ZNF700: variants seen among roughly 807,000 people sequenced by gnomAD.
ZNF700 encodes the protein zinc finger protein 700.
A neutral mutation model predicts 65.3 loss-of-function variants in ZNF700; 38 were observed. That is an observed-to-expected ratio of 0.58 (90% CI 0.45 to 0.76). ZNF700 has a LOEUF of 0.76. Ranked by LOEUF, ZNF700 falls within the 30% of genes least tolerant of loss-of-function variation. The pLI is 0.00. For missense variants in ZNF700, 857 were observed against 888.4 expected (o/e 0.96, Z 0.45); for synonymous variants, 285 against 290.4 (o/e 0.98, Z 0.19).
Position 11,949,383 on chromosome 19 carries a change from A to C in ZNF700, c.1359A>C (p.Lys453Asn), listed in dbSNP as rs1482804862. The C allele has an allele frequency of 5.6e-6, 9 of 1,613,790 alleles. No individual in the cohort carries two copies. The highest frequency in any genetic ancestry group is 6.8e-6 in the Non-Finnish European group (8 of 1,179,962). The change falls in exon 4 of 4, where the codon AAA (lysine) becomes AAC (asparagine). Residue 453 changes from lysine (K) to asparagine (N), a missense_variant. Coordinates refer to ENST00000254321, the MANE Select transcript of ZNF700 (RefSeq NM_144566.3). ...EKPYECKECG[K>N]AFRSTSHLRV... Reference sequence around the variant, plus strand: ...CCTATGAATGTAAGGAATGTGGGAAAGCCTTCAGATCTACCTCACACCTTC... The same window carrying C: ...CCTATGAATGTAAGGAATGTGGGAACGCCTTCAGATCTACCTCACACCTTC...
chr19:11,929,337 T>G (rs572547874), intron 1 of ZNF700, among the ~76,000 whole-genome samples: 1 of 148,162 alleles, frequency 6.7e-6, no homozygotes, highest in African/African-American at 2.6e-5. Flanking sequence ...CTGATTTTTG[T>G]ATTTTTAGTA....
rs370568041 is a variant in ZNF700 at position 11,948,989 on chromosome 19, G to A, written c.965G>A (p.Arg322His). ...GCATTTGCATATACCAGTTCTCTTC[G>A]TAGACATGAAAGGACCCACTCTGGG... ...GKAFAYTSSL[R>H]RHERTHSGKK... The change falls in exon 4 of 4, where the codon CGT becomes CAT. Residue 322 changes from arginine to histidine, a missense_variant. By Grantham distance (29) the Arg-to-His change is conservative (BLOSUM62 0). Around this residue, in one of 3 missense-constraint regions of ZNF700, gnomAD observed 603 missense variants for 619.9 expected, o/e 0.97. Coordinates refer to ENST00000254321, the MANE Select transcript of ZNF700 (RefSeq NM_144566.3). 1.8e-5 allele frequency: 29 copies of A among 1,608,036 alleles called. No homozygotes were observed. The highest frequency in any genetic ancestry group is 4.5e-5 in the East Asian group (2 of 44,880).
At chr19:11,935,877 G>A (rs571757076) in intron 1 of ZNF700, among the ~76,000 whole-genome samples, 1 of 152,228 alleles carries the variant, frequency 6.6e-6, no homozygotes, top group Non-Finnish European at 1.5e-5. Context: ...CCCCTGACAG[G>A]CCCCGGTGTG....
At chr19:11,943,295 G>T (rs78507767) in intron 1 of ZNF700, among the ~76,000 whole-genome samples, 4 of 152,048 alleles carry the variant, frequency 2.6e-5, no homozygotes, top group African/African-American at 9.7e-5. Context: ...CAATTGGTTA[G>T]GTTAAATTTT....
chr19:11,949,828 A>G lies in ZNF700; in HGVS notation c.1804A>G (p.Ser602Gly). The change falls in exon 4 of 4, where the codon AGT becomes GGT. Residue 602 changes from serine to glycine, a missense_variant. Coordinates refer to ENST00000254321, the MANE Select transcript of ZNF700 (RefSeq NM_144566.3). The stretch of plus-strand genomic sequence containing the variant: ...GTGTAAGCAATGTGGGAAAGCCTTC[A>G]GTTGTGCCTCAAACCTTCGAAAGCA... ...YECKQCGKAF[S>G]CASNLRKHGR... 1.2e-6 allele frequency: 2 copies of G among 1,612,888 alleles called. No individual in the cohort carries two copies. Among genetic ancestry groups the G allele is most frequent in the East Asian group, 2.2e-5 (1 of 44,840 alleles).
chr19:11,934,008 G>A lies in ZNF700; in HGVS notation c.63+8735G>A, dbSNP rs1179726512. Among the ~76,000 whole-genome samples, 9 of 147,532 alleles carry A rather than the reference G, an allele frequency of 6.1e-5. 1 individual carries two copies. Among genetic ancestry groups the A allele is most frequent in the African/African-American group, 1.9e-4 (7 of 37,422 alleles). ...TTCTTTCATCACTGAGTAACATTAC[G>A]TTGGATGGGTGTTACCATAGTTTCT... is the stretch of plus-strand genomic sequence containing the variant. On this transcript the variant is annotated intron_variant, in intron 1 of 3. Transcript: ENST00000254321.
intron 1 of ZNF700, among the ~76,000 whole-genome samples, chr19:11,941,290 C>T (rs948127520): frequency 5.3e-5 from 8 of 152,264 alleles, no homozygotes; most frequent in South Asian, 4.1e-4. Context: ...CCGCGCCATG[C>T]GCCCGCACTC....
chr19:11,936,333 A>G (rs1248639377), intron 1 of ZNF700, among the ~76,000 whole-genome samples: 1 of 152,152 alleles, frequency 6.6e-6, no homozygotes, highest in African/African-American at 2.4e-5. Context: ...ATTTCTCCAC[A>G]TCCTCTCCAG....
chr19:11,948,309 A>G lies in ZNF700; in HGVS notation c.285A>G (p.Lys95=). The change falls in exon 4 of 4, where the codon AAA becomes AAG. Residue 95 remains lysine (K), a synonymous_variant. Coordinates refer to ENST00000254321, the MANE Select transcript of ZNF700 (RefSeq NM_144566.3). ...SLIEEKVNEI[K]EDSHCGETFT... ...TAGAAGAGAAAGTCAATGAAATTAA[A>G]GAAGACAGTCATTGTGGAGAAACTT... 1 of 1,613,526 alleles carries G rather than the reference A, an allele frequency of 6.2e-7. No homozygotes were observed. The highest frequency in any genetic ancestry group is 8.5e-7 in the Non-Finnish European group (1 of 1,179,776).
intron 1 of ZNF700, among the ~76,000 whole-genome samples, chr19:11,927,771 A>G (rs1374232492): frequency 6.6e-6 from 1 of 152,150 alleles, no homozygotes; most frequent in East Asian, 1.9e-4. Context: ...TGGGAGTGTA[A>G]GGATACTTGC....
At chr19:11,938,351 A>G (rs957327663) in intron 1 of ZNF700, among the ~76,000 whole-genome samples, 2 of 152,116 alleles carry the variant, frequency 1.3e-5, no homozygotes, top group Non-Finnish European at 2.9e-5. Flanking sequence ...CGTTATTTAC[A>G]TTAGGTATAT....
At chr19:11,940,006 A>T (rs1057354302) in intron 1 of ZNF700, 1 of 149,842 alleles carries the variant, frequency 6.7e-6, no homozygotes, top group African/African-American at 2.5e-5. Flanking sequence ...ACCTCGGCTC[A>T]CCGCAGCCTC....
intron 1 of ZNF700, among the ~76,000 whole-genome samples, chr19:11,941,024 A>G (rs1972873684): frequency 6.6e-6 from 1 of 152,104 alleles, no homozygotes; most frequent in African/African-American, 2.4e-5. Context: ...TGAGCTAGAC[A>G]TAAAGGTTCT....
chr19:11,941,479 A>G (rs1015013504), intron 1 of ZNF700, among the ~76,000 whole-genome samples: 1 of 152,220 alleles, frequency 6.6e-6, no homozygotes, highest in Non-Finnish European at 1.5e-5. Context: ...AATCGAGCGC[A>G]GCACCGGTGG....
At chr19:11,938,333 C>A (rs1972829034) in intron 1 of ZNF700, among the ~76,000 whole-genome samples, 1 of 152,152 alleles carries the variant, frequency 6.6e-6, no homozygotes, top group South Asian at 2.1e-4. Context: ...GTGCTGCACC[C>A]ATTAACTCGT....
At chr19:11,930,003 C>T (rs899983957) in intron 1 of ZNF700, among the ~76,000 whole-genome samples, 1 of 148,068 alleles carries the variant, frequency 6.8e-6, no homozygotes, top group Non-Finnish European at 1.5e-5. Flanking sequence ...AGTTTTAGAA[C>T]TGCCTGTAGC....
At chr19:11,927,461 A>AATAAATAG (rs2145270056) in intron 1 of ZNF700, among the ~76,000 whole-genome samples, 1 of 149,688 alleles carries the variant, frequency 6.7e-6, no homozygotes, top group East Asian at 1.9e-4. Context: ...TAAATAAATA[A>AATAAATAG]ATAGAAAAGG....
chr19:11,937,597 T>A (rs1265620360), intron 1 of ZNF700, among the ~76,000 whole-genome samples: 1 of 150,894 alleles, frequency 6.6e-6, no homozygotes, highest in Non-Finnish European at 1.5e-5. Flanking sequence ...CAAGCCATTC[T>A]CCTGCCTCAG....
chr19:11,946,995 T>A (rs908974571), intron 1 of ZNF700, 186 bp from the exon 2 acceptor site: 8 of 1,049,628 alleles, frequency 7.6e-6, no homozygotes, highest in African/African-American at 1.7e-5. Context: ...TCTCAAAAAA[T>A]AAATAAATAA....
Sources: allele counts gnomAD v4.1 joint callset (sites outside exome capture counted in the v4.1 genomes callset), GRCh38; gene constraint gnomAD v4.1.1; regional missense constraint gnomAD v4.1.1; transcripts MANE v1.5; gene names NCBI Gene and HGNC (gene_info 2026-07-23, HGNC 2026-07-21).